MEGF11: variants seen among roughly 807,000 people sequenced by gnomAD.
MEGF11 encodes the protein multiple EGF like domains 11.
Under a neutral mutation model 146.6 loss-of-function variants are expected in MEGF11, and 126 were observed. That is an observed-to-expected ratio of 0.86 (90% CI 0.74 to 1.00). MEGF11 has a LOEUF of 1.00. Ranked by LOEUF, MEGF11 falls within the 50% of genes least tolerant of loss-of-function variation. MEGF11 has a pLI of 0.00. For missense variants in MEGF11, 1,509 were observed against 1,521.2 expected (o/e 0.99, Z 0.13); for synonymous variants, 532 against 583.4 (o/e 0.91, Z 1.27).
chr15:66,243,979 T>G (rs1051802621), intron 1 of MEGF11, among the ~76,000 whole-genome samples: 1 of 152,174 alleles, frequency 6.6e-6, no homozygotes, highest in Admixed American at 6.5e-5. Flanking sequence ...TTGTTGTCAC[T>G]CAGGGTTACT....
chr15:66,138,305 G>A lies in MEGF11; in HGVS notation c.-8-9894C>T, dbSNP rs567183369. Among the ~76,000 whole-genome samples the A allele has an allele frequency of 2.7e-4, 41 of 152,132 alleles. 1 individual carries two copies. The highest frequency in any genetic ancestry group is 5.4e-4 in the Non-Finnish European group (37 of 68,044). ...CCAGCCCTTGAAGCCATCTGGCTGCGGTGAGACTGCTATCACAATGGTGTG... is the reference window on the plus strand; with the variant it reads ...CCAGCCCTTGAAGCCATCTGGCTGCAGTGAGACTGCTATCACAATGGTGTG... On this transcript the variant is annotated intron_variant, in intron 1 of 25. Transcript: ENST00000395614.
intron 4 of MEGF11, among the ~76,000 whole-genome samples, chr15:66,095,007 T>C (rs2086481342): frequency 6.6e-6 from 1 of 152,116 alleles, no homozygotes; most frequent in South Asian, 2.1e-4. Context: ...GGCTCTCAAA[T>C]GTCAGCAAAT....
At chr15:66,071,989 C>T (rs988293409) in intron 5 of MEGF11, among the ~76,000 whole-genome samples, 4 of 152,366 alleles carry the variant, frequency 2.6e-5, no homozygotes, top group South Asian at 2.1e-4. Context: ...CAGAGGACTC[C>T]CTTCCGGCGC....
Position 65,957,551 on chromosome 15 carries a change from A to G in MEGF11, c.1283T>C (p.Phe428Ser), listed in dbSNP as rs1405706041. The G allele has an allele frequency of 6.2e-7, 1 of 1,612,968 alleles. No homozygotes were observed. The highest frequency in any genetic ancestry group is 2.2e-5 in the East Asian group (1 of 44,878). Reference sequence around the variant, plus strand: ...GGGAGGCCCCTCCCATCTTACCATGAAGCCCGGAGCACAAGTGCAGCCCCC... The same window carrying G: ...GGGAGGCCCCTCCCATCTTACCATGGAGCCCGGAGCACAAGTGCAGCCCCC... ...ITGGCTCAPGFMGEVCAVSCA... is the reference protein window; with the variant it reads ...ITGGCTCAPGSMGEVCAVSCA... The change falls in exon 10 of 26, where the codon TTC becomes TCC. Residue 428 changes from phenylalanine (F) to serine (S), a missense_variant. Transcript: ENST00000395614.
chr15:65,927,089 C>G (rs2079397346), intron 13 of MEGF11, among the ~76,000 whole-genome samples: 1 of 152,204 alleles, frequency 6.6e-6, no homozygotes, highest in African/African-American at 2.4e-5. Context: ...TTTCTCTTTG[C>G]TGCTCATCAC....
intron 1 of MEGF11, among the ~76,000 whole-genome samples, chr15:66,167,939 C>T (rs2090145575): frequency 6.6e-6 from 1 of 152,128 alleles, no homozygotes; most frequent in East Asian, 1.9e-4. Context: ...CCCCCTGAAC[C>T]CCTGCTGGGC....
intron 15 of MEGF11, among the ~76,000 whole-genome samples, chr15:65,918,770 T>C (rs894185118): frequency 6.6e-6 from 1 of 152,242 alleles, no homozygotes; most frequent in Non-Finnish European, 1.5e-5. Context: ...CACTGCTTGG[T>C]CCCTGGAGGA....
At chr15:65,939,654 C>T (rs922966987) in intron 10 of MEGF11, among the ~76,000 whole-genome samples, 1 of 152,132 alleles carries the variant, frequency 6.6e-6, no homozygotes, top group Non-Finnish European at 1.5e-5. Context: ...GCCACCACAC[C>T]TGGCTAATTT....
intron 1 of MEGF11, among the ~76,000 whole-genome samples, chr15:66,140,705 G>A (rs1032623479): frequency 2.0e-5 from 3 of 152,212 alleles, no homozygotes; most frequent in African/African-American, 7.2e-5. Context: ...TTGGCTGTGC[G>A]AAGAGGGAAA....
intron 5 of MEGF11, among the ~76,000 whole-genome samples, chr15:66,052,223 C>T (rs148725083): frequency 1.3e-5 from 2 of 152,302 alleles, no homozygotes; most frequent in African/African-American, 4.8e-5. Flanking sequence ...CTCCTCATTG[C>T]TCTCCAGGTG....
At chr15:66,024,850 C>G (rs2083274483) in intron 5 of MEGF11, among the ~76,000 whole-genome samples, 1 of 152,126 alleles carries the variant, frequency 6.6e-6, no homozygotes, top group Non-Finnish European at 1.5e-5. Flanking sequence ...CTCAGCCCCT[C>G]CCAGCTCAGC....
chr15:66,182,372 G>T (rs59435029), intron 1 of MEGF11, among the ~76,000 whole-genome samples: 14,616 of 151,874 alleles, frequency 0.096, 965 homozygotes, highest in African/African-American at 0.18. Flanking sequence ...GGGAACATCA[G>T]CAGTATTTGA....
In MEGF11 at chr15:65,897,830, T is replaced by G; in HGVS notation, c.*104A>C. The G allele has an allele frequency of 9.4e-7, 1 of 1,060,814 alleles. No homozygotes were observed. Among genetic ancestry groups the G allele is most frequent in the Non-Finnish European group, 1.3e-6 (1 of 748,704 alleles). 65.7% of individuals were successfully genotyped at this position (1,060,814 alleles called of 1,614,324 possible). Reference sequence around the variant, plus strand: ...TTCCAGGTGAACGTAATAACTAACATGCAGCTGGAGCCAGTCTGTACCATT... The same window carrying G: ...TTCCAGGTGAACGTAATAACTAACAGGCAGCTGGAGCCAGTCTGTACCATT... On this transcript the variant is annotated 3_prime_UTR_variant, in exon 26 of 26. Transcript: ENST00000395614.
intron 5 of MEGF11, among the ~76,000 whole-genome samples, chr15:66,057,890 T>C (rs2084744982): frequency 6.6e-6 from 1 of 152,194 alleles, no homozygotes; most frequent in Non-Finnish European, 1.5e-5. Flanking sequence ...TTTATTGTAA[T>C]AGTTTATCAG....
chr15:66,109,618 T>C (rs2087282509), intron 4 of MEGF11, among the ~76,000 whole-genome samples: 2 of 152,188 alleles, frequency 1.3e-5, no homozygotes, highest in Non-Finnish European at 2.9e-5. Context: ...GGCACACAGC[T>C]AGCAGAGGAA....
intron 1 of MEGF11, among the ~76,000 whole-genome samples, chr15:66,197,869 C>T (rs758856280): frequency 3.9e-5 from 6 of 152,196 alleles, no homozygotes; most frequent in Non-Finnish European, 8.8e-5. Context: ...AGCCACCCCC[C>T]GCCTTAACAA....
chr15:66,048,355 A>T (rs1009096657), intron 5 of MEGF11, among the ~76,000 whole-genome samples: 3 of 152,222 alleles, frequency 2.0e-5, no homozygotes, highest in African/African-American at 7.2e-5. Context: ...ATCCTGCACT[A>T]TGTCACCAAG....
chr15:66,106,423 T>G (rs941169401), intron 4 of MEGF11, among the ~76,000 whole-genome samples: 4 of 152,168 alleles, frequency 2.6e-5, no homozygotes, highest in African/African-American at 9.7e-5. Flanking sequence ...CATGTGTGTA[T>G]GCAATAATAA....
chr15:66,024,357 A>G (rs2083259528), intron 5 of MEGF11, among the ~76,000 whole-genome samples: 1 of 152,174 alleles, frequency 6.6e-6, no homozygotes, highest in African/African-American at 2.4e-5. Flanking sequence ...TGACCTTCAC[A>G]CAAGTCTGGG....
Sources: allele counts gnomAD v4.1 joint callset (sites outside exome capture counted in the v4.1 genomes callset), GRCh38; gene constraint gnomAD v4.1.1; transcripts MANE v1.5; gene names NCBI Gene and HGNC (gene_info 2026-07-23, HGNC 2026-07-21).